EIF2AK3: variants seen among roughly 807,000 people sequenced by gnomAD.
EIF2AK3 encodes the protein eukaryotic translation initiation factor 2 alpha kinase 3, also known as eukaryotic translation initiation factor 2-alpha kinase 3.
Under a neutral mutation model 113.5 loss-of-function variants are expected in EIF2AK3, and 50 were observed. The ratio of observed to expected loss-of-function variants is 0.44; its 90% confidence interval spans 0.35 to 0.56. The LOEUF (loss-of-function observed/expected upper bound fraction) is 0.56. Ranked by LOEUF, EIF2AK3 falls within the 20% of genes least tolerant of loss-of-function variation. EIF2AK3 has a pLI of 0.00. For missense variants in EIF2AK3, 1,185 were observed against 1,378.0 expected (o/e 0.86, Z 2.22); for synonymous variants, 448 against 495.4 (o/e 0.90, Z 1.27).
chr2:88,590,731 G>C, intron 5 of EIF2AK3, 87 bp downstream of exon 5: 3 of 1,564,452 alleles, frequency 1.9e-6, no homozygotes, highest in Non-Finnish European at 2.6e-6. Flanking sequence ...GCCCCAAGTA[G>C]TAGTAATTTC....
chr2:88,593,498 A>G (rs1251519624), intron 3 of EIF2AK3, 93 bp from the exon 4 acceptor site: 2 of 1,460,266 alleles, frequency 1.4e-6, no homozygotes, highest in Non-Finnish European at 1.9e-6. Flanking sequence ...TTAAAAAGTG[A>G]AAGGAAACTA....
At chr2:88,611,179 G>C (rs1252823354) in intron 2 of EIF2AK3, among the ~76,000 whole-genome samples, 2 of 152,200 alleles carry the variant, frequency 1.3e-5, no homozygotes, top group Admixed American at 1.3e-4. Context: ...AGAGCAGGCA[G>C]AATGGAGTAC....
At chr2:88,590,740 T>G in intron 5 of EIF2AK3, 78 bp downstream of exon 5, 2 of 1,579,358 alleles carry the variant, frequency 1.3e-6, no homozygotes, top group Non-Finnish European at 1.7e-6. Context: ...AGTAGTAATT[T>G]CGTTCCACCC....
chr2:88,593,137 G>A (rs1011026470), intron 4 of EIF2AK3, 135 bp downstream of exon 4: 9 of 1,026,830 alleles, frequency 8.8e-6, no homozygotes, highest in Middle Eastern at 2.9e-4. Context: ...GCAAGACTCC[G>A]TATCAAAAAA....
intron 1 of EIF2AK3, among the ~76,000 whole-genome samples, chr2:88,616,567 C>T (rs1573423639): frequency 6.6e-6 from 1 of 152,216 alleles, no homozygotes; most frequent in African/African-American, 2.4e-5. Flanking sequence ...GCTGGGATTA[C>T]AGGTGCCCGC....
At chr2:88,567,048 ATATAT>A (rs1452768655) in intron 14 of EIF2AK3, among the ~76,000 whole-genome samples, 3 of 152,230 alleles carry the variant, frequency 2.0e-5, no homozygotes, top group African/African-American at 4.8e-5. Context: ...CCTTCTTTTA[ATATAT>A]TATAATCATA....
chr2:88,557,624 A>G lies in EIF2AK3; in HGVS notation c.*112T>C. ...ATTTGATATAAAAAAAGTAGTCCAC[A>G]AAAAAATTGAGCGAAGAACAAACTT... On this transcript the variant is annotated 3_prime_UTR_variant, in exon 17 of 17. Transcript: ENST00000303236. The G allele has an allele frequency of 8.1e-7, 1 of 1,233,586 alleles. No homozygotes were observed. Among genetic ancestry groups the G allele is most frequent in the South Asian group, 1.2e-5 (1 of 81,910 alleles). 76.4% of individuals were successfully genotyped at this position (1,233,586 alleles called of 1,614,324 possible).
intron 2 of EIF2AK3, among the ~76,000 whole-genome samples, chr2:88,611,109 C>T (rs1298116853): frequency 6.6e-6 from 1 of 152,156 alleles, no homozygotes; most frequent in Non-Finnish European, 1.5e-5. Flanking sequence ...CCACTGTAGT[C>T]TATGAAGAGC....
intron 1 of EIF2AK3, among the ~76,000 whole-genome samples, chr2:88,622,847 G>A (rs186197342): frequency 6.6e-6 from 1 of 152,228 alleles, no homozygotes; most frequent in East Asian, 1.9e-4. Flanking sequence ...CTAGATTTCT[G>A]TACCTTTGTT....
At chr2:88,561,655 GA>G (rs747009117) in intron 15 of EIF2AK3, among the ~76,000 whole-genome samples, 36 of 152,270 alleles carry the variant, frequency 2.4e-4, no homozygotes, top group Admixed American at 3.3e-4. Context: ...AGGAGTTTGA[GA>G]CCAGCCTAGA....
intron 9 of EIF2AK3, among the ~76,000 whole-genome samples, chr2:88,583,975 A>G (rs1273684819): frequency 1.3e-5 from 2 of 152,234 alleles, no homozygotes; most frequent in Non-Finnish European, 2.9e-5. Context: ...AACCAGTTTC[A>G]TAGATTGCAT....
chr2:88,560,571 C>T (rs148993497), intron 15 of EIF2AK3, among the ~76,000 whole-genome samples: 377 of 152,190 alleles, frequency 2.5e-3, no homozygotes, highest in Non-Finnish European at 3.6e-3. Context: ...TGTGCTACCA[C>T]GTCCACCTTG....
chr2:88,615,986 T>A (rs746539348), intron 1 of EIF2AK3, among the ~76,000 whole-genome samples: 22 of 152,180 alleles, frequency 1.4e-4, no homozygotes, highest in Non-Finnish European at 3.1e-4. Flanking sequence ...CTGCCCTCCA[T>A]GAAACACACT....
chr2:88,564,590 C>T (rs1674055534), intron 14 of EIF2AK3, among the ~76,000 whole-genome samples: 1 of 152,124 alleles, frequency 6.6e-6, no homozygotes, highest in African/African-American at 2.4e-5. Flanking sequence ...ACAAGCCACA[C>T]TACAGTCAGC....
intron 1 of EIF2AK3, among the ~76,000 whole-genome samples, 189 bp downstream of exon 1, chr2:88,626,778 G>A (rs896638806): frequency 6.6e-6 from 1 of 152,244 alleles, no homozygotes; most frequent in African/African-American, 2.4e-5. Context: ...CGGGAGCCGA[G>A]CCCAGGCAGG....
intron 14 of EIF2AK3, 37 bp downstream of exon 14, chr2:88,570,837 G>A (rs775346158): frequency 1.9e-6 from 3 of 1,610,380 alleles, no homozygotes; most frequent in African/African-American, 1.3e-5. Context: ...AGGTACATCT[G>A]CTGCTGTGCT....
At chr2:88,577,599 G>A (rs868171676) in intron 11 of EIF2AK3, among the ~76,000 whole-genome samples, 3 of 151,700 alleles carry the variant, frequency 2.0e-5, no homozygotes, top group Admixed American at 6.6e-5. Context: ...GGCTGGTCTC[G>A]AACTCCTGGC....
At chr2:88,601,465 AGTTTTATTGGAACACAGC>A (rs562662006) in intron 2 of EIF2AK3, among the ~76,000 whole-genome samples, 1 of 152,332 alleles carries the variant, frequency 6.6e-6, no homozygotes, top group Non-Finnish European at 1.5e-5. Context: ...TTGTAAGAAA[AGTTTTATTGGAACACAGC>A]CACACATTCA....
chr2:88,626,183 C>A (rs769306234), intron 1 of EIF2AK3, among the ~76,000 whole-genome samples: 4 of 152,112 alleles, frequency 2.6e-5, no homozygotes, highest in African/African-American at 9.7e-5. Flanking sequence ...AAAACAATCA[C>A]CTTGAAGTAA....
Sources: allele counts gnomAD v4.1 joint callset (sites outside exome capture counted in the v4.1 genomes callset), GRCh38; gene constraint gnomAD v4.1.1; transcripts MANE v1.5; gene names NCBI Gene and HGNC (gene_info 2026-07-23, HGNC 2026-07-21).